Variants in TYK2 observed in about 807,000 individuals in gnomAD.
TYK2 encodes the protein tyrosine kinase 2.
TYK2 carries 65 observed loss-of-function variants against 130.9 expected under a neutral mutation model. That is an observed-to-expected ratio of 0.50 (90% confidence interval 0.41 to 0.61). The LOEUF (loss-of-function observed/expected upper bound fraction) is 0.61. TYK2 is among the 20% of genes least tolerant of loss of function. The pLI, the probability that TYK2 is intolerant of heterozygous loss-of-function variation, is 0.00. For missense variants in TYK2, 1,378 were observed against 1,610.7 expected (o/e 0.86, Z 2.47); for synonymous variants, 647 against 658.9 (o/e 0.98, Z 0.28).
intron 18 of TYK2, 42 bp downstream of exon 18, chr19:10,356,526 C>G (rs925203832): frequency 6.2e-7 from 1 of 1,609,480 alleles, no homozygotes; most frequent in Non-Finnish European, 8.5e-7. Context: ...ATCCCAGCCC[C>G]GTCCCACTTC....
intron 23 of TYK2, among the ~76,000 whole-genome samples, chr19:10,351,774 T>C (rs1164808239): frequency 6.6e-6 from 1 of 152,158 alleles, no homozygotes; most frequent in Non-Finnish European, 1.5e-5. Flanking sequence ...TCTCTCGCTC[T>C]TTCACCCAGG....
chr19:10,363,373 C>T (rs1599347398), intron 9 of TYK2, among the ~76,000 whole-genome samples: 2 of 151,834 alleles, frequency 1.3e-5, no homozygotes, highest in South Asian at 4.2e-4. Context: ...AGTTAAAAGA[C>T]CTTGCTACAT....
intron 18 of TYK2, among the ~76,000 whole-genome samples, chr19:10,355,980 A>G (rs758446464): frequency 3.3e-5 from 5 of 152,058 alleles, no homozygotes; most frequent in Non-Finnish European, 7.4e-5. Context: ...AAAAAAGAGC[A>G]TATTAATTTT....
At chr19:10,367,911 C>T (rs1354219003) in intron 5 of TYK2, 144 bp downstream of exon 5, 15 of 929,856 alleles carry the variant, frequency 1.6e-5, no homozygotes, top group Admixed American at 2.5e-5. Flanking sequence ...CAGAGCAAGA[C>T]TCCGTCTCAA....
intron 7 of TYK2, 59 bp downstream of exon 7, chr19:10,365,458 C>G (rs2041613903): frequency 6.2e-7 from 1 of 1,606,768 alleles, no homozygotes; most frequent in Non-Finnish European, 8.5e-7. Flanking sequence ...CAAGGATGAA[C>G]ACAGAAACCC....
In TYK2 at chr19:10,361,836, C is replaced by A. The variant is rs546346744; in HGVS notation, c.1893G>T (p.Arg631Ser). Residue 631 changes from arginine to serine, a missense_variant, in exon 13 of 25, where the codon AGG (arginine) becomes AGT (serine). Coordinates refer to ENST00000525621, the MANE Select transcript of TYK2 (RefSeq NM_003331.5). The surrounding 1 kb of genome is among the most constrained non-coding windows in gnomAD (Gnocchi z 4.0). The part of the protein sequence containing the change: ...MDDEDPLVPG[R>S]DRGQELRVVL... ...CCACTCGTAGCTCCTGCCCACGGTC[C>A]CTGCCAGGCACGAGGGGGTCCTCGT... The A allele has an allele frequency of 6.2e-7, 1 of 1,614,028 alleles. No individual in the cohort carries two copies. The highest frequency in any genetic ancestry group is 1.3e-5 in the African/African-American group (1 of 75,012).
chr19:10,356,448 C>G (rs1028326013), intron 18 of TYK2, 120 bp downstream of exon 18: 1 of 1,304,760 alleles, frequency 7.7e-7, no homozygotes, highest in African/African-American at 1.5e-5. Context: ...AATGCCACTG[C>G]AAGAAATTGG....
In TYK2 at chr19:10,353,646, C is replaced by T. The variant is rs2040928330; in HGVS notation, c.2909G>A (p.Gly970Asp). 2.7e-6 allele frequency: 4 copies of T among 1,471,116 alleles called. No individual in the cohort carries two copies. The highest frequency in any genetic ancestry group is 3.6e-6 in the Non-Finnish European group (4 of 1,110,884). The allele number at this position is 1,471,116 out of a possible 1,614,324, so 91.1% of individuals were successfully genotyped here. ...IKYKGCCEDQ[G>D]EKSLQLVMEY... Reference sequence around the variant, plus strand: ...CATGACCAGCTGCAGCGACTTCTCGCCTGCCGCGGAGAGGGGCGGCCCCGG... The same window carrying T: ...CATGACCAGCTGCAGCGACTTCTCGTCTGCCGCGGAGAGGGGCGGCCCCGG... The change falls in exon 21 of 25, where the codon GGC (glycine) becomes GAC (aspartate). Residue 970 changes from glycine to aspartate, a missense_variant and splice_region_variant. Transcript: ENST00000525621. The surrounding 1 kb of genome is among the most constrained non-coding windows in gnomAD (Gnocchi z 6.9).
At chr19:10,368,634 T>C (rs1332373019) in intron 3 of TYK2, 1 of 583,806 alleles carries the variant, frequency 1.7e-6, no homozygotes, top group East Asian at 3.4e-5. Flanking sequence ...CCCTTGCAGC[T>C]AGGATGGAGC....
At position 10,353,542 on chromosome 19, in the gene TYK2, G is replaced by A; in HGVS notation, c.3013C>T (p.Gln1005Ter). ...IGLAQLLLFA[Q>*]QICEGMAYLH... The stretch of plus-strand genomic sequence containing the variant: ...GGCCGACCAACCTCGCAGATCTGCT[G>A]GGCGAAGAGCAGCAGCTGGGCCAGC... Residue 1005 changes from glutamine to a stop codon, truncating the protein, a stop_gained, in exon 21 of 25, where the codon CAG becomes TAG. Transcript: ENST00000525621. LOFTEE classifies it high-confidence loss of function. The surrounding 1 kb of genome is among the most constrained non-coding windows in gnomAD (Gnocchi z 6.9). 1 of 1,499,322 alleles carries A rather than the reference G, an allele frequency of 6.7e-7. No individual in the cohort carries two copies. Among genetic ancestry groups the A allele is most frequent in the Non-Finnish European group, 8.9e-7 (1 of 1,120,878 alleles). The allele number at this position is 1,499,322 out of a possible 1,614,324, so 92.9% of individuals were successfully genotyped here.
intron 14 of TYK2, 145 bp from the exon 15 acceptor site, chr19:10,359,447 AAAGT>A (rs1240916733): frequency 5.0e-6 from 5 of 1,003,982 alleles, no homozygotes; most frequent in Non-Finnish European, 7.5e-6. Flanking sequence ...GTCTGGGTTG[AAAGT>A]GAGTTTGGGG....
At chr19:10,372,473 TA>T in intron 3 of TYK2, among the ~76,000 whole-genome samples, 2 of 66,962 alleles carry the variant, frequency 3.0e-5, no homozygotes, top group Non-Finnish European at 5.5e-5. Flanking sequence ...TATATATATA[TA>T]TATATATATA....
Position 10,361,598 on chromosome 19 carries a change from C to A in TYK2, c.1960G>T (p.Ala654Ser). ...ATGAGGCTGGCTGTCTCGTAGAAGG[C>A]CTGTGGGGACCGGGCAGGTCAGGTG... The part of the protein sequence containing the change: ...LDPSHHDIAL[A>S]FYETASLMSQ... The change falls in exon 14 of 25, where the codon GCC becomes TCC. Residue 654 changes from alanine (A) to serine (S), a missense_variant and splice_region_variant. Physicochemically the swap from Ala to Ser is moderately conservative, Grantham distance 99. Coordinates refer to ENST00000525621, the MANE Select transcript of TYK2 (RefSeq NM_003331.5). The surrounding 1 kb of genome is among the most constrained non-coding windows in gnomAD (Gnocchi z 4.0). 1 of 1,548,914 alleles carries A rather than the reference C, an allele frequency of 6.5e-7. No homozygotes were observed.
At chr19:10,372,484 A>ATATATATTTTTTTT (rs1390400916) in intron 3 of TYK2, among the ~76,000 whole-genome samples, 1 of 37,438 alleles carries the variant, frequency 2.7e-5, no homozygotes, top group African/African-American at 1.3e-4. Context: ...ATATATATAT[A>ATATATATTTTTTTT]TTTTTTTTTT....
At chr19:10,370,663 C>T (rs1345244719) in intron 3 of TYK2, among the ~76,000 whole-genome samples, 3 of 151,510 alleles carry the variant, frequency 2.0e-5, no homozygotes, top group Non-Finnish European at 4.4e-5. Flanking sequence ...ACTAAAAATA[C>T]AAAAATTAGC....
intron 2 of TYK2, 36 bp downstream of exon 2, chr19:10,379,579 C>A (rs1264322418): frequency 2.6e-5 from 4 of 151,380 alleles, no homozygotes; most frequent in Non-Finnish European, 5.9e-5. Flanking sequence ...CACACCTCCC[C>A]AAAATAACCA....
Position 10,356,659 on chromosome 19 carries a change from G to T in TYK2, c.2526C>A (p.Ala842=). 6.2e-7 allele frequency: 1 copy of T among 1,612,936 alleles called. No homozygotes were observed. Among genetic ancestry groups the T allele is most frequent in the Non-Finnish European group, 8.5e-7 (1 of 1,179,668 alleles). The stretch of plus-strand genomic sequence containing the variant: ...AGGTCAGACACTGGCTGGTGAGTGT[G>T]GCCAGCTGTGGGCAGGAGGGCTCGG... ...RLPEPSCPQL[A]TLTSQCLTYE... The change falls in exon 18 of 25, where the codon GCC becomes GCA. Residue 842 remains alanine, a synonymous_variant. Transcript: ENST00000525621.
chr19:10,375,332 C>T (rs1290085199), intron 3 of TYK2, among the ~76,000 whole-genome samples: 1 of 152,012 alleles, frequency 6.6e-6, no homozygotes, highest in East Asian at 1.9e-4. Context: ...AAAGGCCTTT[C>T]CTTGGTTGGG....
Position 10,354,029 on chromosome 19 carries a change from G to T in TYK2, c.2908+13C>A. The T allele has an allele frequency of 6.2e-7, 1 of 1,613,618 alleles. No individual in the cohort carries two copies. Among genetic ancestry groups the T allele is most frequent in the African/African-American group, 1.3e-5 (1 of 75,032 alleles). The stretch of plus-strand genomic sequence containing the variant: ...CCCCCTCAAGTCTCTAGGACTCGCC[G>T]GGTCCCGCCCACCTTGGTCCTCGCA... On this transcript the variant is annotated intron_variant, in intron 20 of 24. Transcript: ENST00000525621.
Sources: allele counts gnomAD v4.1 joint callset (sites outside exome capture counted in the v4.1 genomes callset), GRCh38; gene constraint gnomAD v4.1.1; non-coding constraint Gnocchi (gnomAD v3.1); transcripts MANE v1.5; gene names NCBI Gene and HGNC (gene_info 2026-07-23, HGNC 2026-07-21).